The following PLCE1 variants were observed in gnomAD, a reference collection of about 807,000 sequenced individuals.
PLCE1 encodes phospholipase C epsilon 1.
Under a neutral mutation model 242.8 loss-of-function variants are expected in PLCE1, and 119 were observed. That is an observed-to-expected ratio of 0.49 (90% confidence interval 0.42 to 0.57). The LOEUF (loss-of-function observed/expected upper bound fraction) is 0.57, where lower values mean the gene tolerates loss of function less well. PLCE1 is among the 20% of genes least tolerant of loss of function. The pLI is 0.00. For synonymous variants in PLCE1, 945 were observed against 1,017.4 expected, an observed-to-expected ratio of 0.93 and a Z score of 1.35; for missense variants, 2,441 against 2,788.8, an observed-to-expected ratio of 0.88 and a Z score of 2.81.
At chr10:94,084,981 A>G (rs940695965) in intron 2 of PLCE1, among the ~76,000 whole-genome samples, 5 of 152,166 alleles carry the variant, frequency 3.3e-5, no homozygotes, top group African/African-American at 1.2e-4. Context: ...ATAGTAAATA[A>G]ATGCAGAAAT....
At chr10:94,188,652 C>T (rs1000637671) in intron 4 of PLCE1, among the ~76,000 whole-genome samples, 1 of 152,196 alleles carries the variant, frequency 6.6e-6, no homozygotes, top group Non-Finnish European at 1.5e-5. Context: ...GTTGTCCAGG[C>T]TGGAGCGCAA....
At chr10:94,283,669 A>T in intron 20 of PLCE1, 121 bp from the exon 21 acceptor site, 1 of 1,059,960 alleles carries the variant, frequency 9.4e-7, no homozygotes. Context: ...CATACTATAT[A>T]GTTAGAGCCT....
rs1158028629 is a variant in PLCE1, at chr10:94,227,432, G to C, written c.1936G>C (p.Glu646Gln). The part of the protein sequence containing the change: ...WNMGNYNAVM[E>Q]FLAGLRSRKV... ...CATGGGCAACTACAACGCTGTCATG[G>C]AGTTCTTGGCTGGCCTCAGGTATAG... Residue 646 changes from glutamate to glutamine, a missense_variant, in exon 5 of 33, where the codon GAG becomes CAG. Coordinates refer to ENST00000371380, the MANE Select transcript of PLCE1 (RefSeq NM_016341.4). 6.2e-7 allele frequency: 1 copy of C among 1,614,144 alleles called. No homozygotes were observed. The highest frequency in any genetic ancestry group is 8.5e-7 in the Non-Finnish European group (1 of 1,179,986).
chr10:94,215,033 A>T (rs79639935), intron 4 of PLCE1, among the ~76,000 whole-genome samples: 1 of 152,120 alleles, frequency 6.6e-6, no homozygotes. Context: ...CTGCTGCCCA[A>T]TCATCTCAGG....
intron 4 of PLCE1, among the ~76,000 whole-genome samples, chr10:94,190,290 T>TA (rs1218729701): frequency 6.6e-6 from 1 of 152,120 alleles, no homozygotes; most frequent in East Asian, 1.9e-4. Flanking sequence ...AAAATTAAAT[T>TA]AATTAATTAC....
rs759348587 is a variant in PLCE1 at position 94,254,235 on chromosome 10, G to A, written c.3325G>A (p.Ala1109Thr). 1 of 1,614,036 alleles carries A rather than the reference G, an allele frequency of 6.2e-7. No homozygotes were observed. Among genetic ancestry groups the A allele is most frequent in the Non-Finnish European group, 8.5e-7 (1 of 1,179,944 alleles). ...TGACGATGAGATGGCAACCCGAAAG[G>A]CCAAGATGCACAAAGAGTGTCGAAG... ...VTDDEMATRKAKMHKECRSRS... is the reference protein window; with the variant it reads ...VTDDEMATRKTKMHKECRSRS... Residue 1109 changes from alanine to threonine, a missense_variant, in exon 10 of 33, where the codon GCC becomes ACC. Ala to Thr is a moderately conservative substitution (Grantham distance 58). This residue lies in a region of PLCE1 where 1,004 missense variants were observed against 1,322.7 expected (regional missense o/e 0.76). Coordinates refer to ENST00000371380, the MANE Select transcript of PLCE1 (RefSeq NM_016341.4).
At chr10:94,312,435 C>A (rs2053415266) in intron 27 of PLCE1, among the ~76,000 whole-genome samples, 1 of 152,212 alleles carries the variant, frequency 6.6e-6, no homozygotes, top group Non-Finnish European at 1.5e-5. Flanking sequence ...GAATGCCCTG[C>A]TGTAGGCCAT....
intron 1 of PLCE1, among the ~76,000 whole-genome samples, chr10:93,999,071 A>G (rs2060882756): frequency 6.6e-6 from 1 of 152,178 alleles, no homozygotes; most frequent in Non-Finnish European, 1.5e-5. Flanking sequence ...GCACATTGGT[A>G]TTATTTAAAC....
intron 4 of PLCE1, among the ~76,000 whole-genome samples, chr10:94,220,811 A>C (rs534314600): frequency 1.3e-5 from 2 of 152,258 alleles, no homozygotes; most frequent in East Asian, 3.9e-4. Context: ...TTTACTGAAA[A>C]GGGAATTAGG....
intron 2 of PLCE1, among the ~76,000 whole-genome samples, chr10:94,103,266 T>C (rs1164459889): frequency 6.6e-6 from 1 of 152,186 alleles, no homozygotes; most frequent in Non-Finnish European, 1.5e-5. Flanking sequence ...CTGAGGCTTA[T>C]TTTTACAAGA....
Position 94,246,543 on chromosome 10 carries a change from T to G in PLCE1, c.3018T>G (p.Thr1006=), listed in dbSNP as rs1463252653. The G allele has an allele frequency of 6.2e-7, 1 of 1,614,022 alleles. No individual in the cohort carries two copies. Among genetic ancestry groups the G allele is most frequent in the Admixed American group, 1.7e-5 (1 of 60,024 alleles). Residue 1006 remains threonine, a synonymous_variant, in exon 8 of 33, where the codon ACT becomes ACG. Coordinates refer to ENST00000371380, the MANE Select transcript of PLCE1 (RefSeq NM_016341.4). ...KMLFSGLLEL[T]RAVRKMRKFP... is the part of the protein sequence containing the mutation. Reference sequence around the variant, plus strand: ...TCTTCAGCGGATTATTGGAACTCACTAGAGCTGTGAGAAAGATGAGGAAAT... The same window carrying G: ...TCTTCAGCGGATTATTGGAACTCACGAGAGCTGTGAGAAAGATGAGGAAAT...
Position 94,162,780 on chromosome 10 carries a change from C to T in PLCE1, c.1493-8400C>T, listed in dbSNP as rs553520967. On this transcript the variant is annotated intron_variant, in intron 3 of 32. Transcript: ENST00000371380. ...CAATTTTAGATCTTTCCTGCTTTCT[C>T]TTGTGGGCATTTAGTGCTATATATT... Among the ~76,000 whole-genome samples, 14 of 152,270 alleles carry T rather than the reference C, an allele frequency of 9.2e-5. No homozygotes were observed. The East Asian group carries it at 2.7e-3, about 29-fold the overall frequency.
At chr10:94,313,901 T>C (rs1589524735) in intron 28 of PLCE1, among the ~76,000 whole-genome samples, 1 of 152,270 alleles carries the variant, frequency 6.6e-6, no homozygotes. Flanking sequence ...CCTTTGCATG[T>C]TGAGCAGCCC....
intron 3 of PLCE1, among the ~76,000 whole-genome samples, chr10:94,170,197 A>C (rs770676317): frequency 1.3e-5 from 2 of 152,186 alleles, no homozygotes; most frequent in African/African-American, 2.4e-5. Flanking sequence ...TTCCAGGAAG[A>C]GAATGAGTGA....
intron 10 of PLCE1, 133 bp downstream of exon 10, chr10:94,254,440 T>A: frequency 2.7e-6 from 2 of 732,972 alleles, no homozygotes; most frequent in Non-Finnish European, 5.0e-6. Context: ...AACCAGACAA[T>A]GAAACCTAAA....
At chr10:94,283,940 CT>C in intron 21 of PLCE1, 29 bp downstream of exon 21, 2 of 1,604,830 alleles carry the variant, frequency 1.2e-6, no homozygotes, top group Non-Finnish European at 1.7e-6. Context: ...TTAAATGACA[CT>C]TTGACCATGT....
Position 94,059,762 on chromosome 10 carries a change from G to A in PLCE1, c.1206+27510G>A, listed in dbSNP as rs139716667. Among the ~76,000 whole-genome samples the A allele has an allele frequency of 6.5e-3, 992 of 152,246 alleles. 12 individuals carry two copies. The highest frequency in any genetic ancestry group is 0.023 in the African/African-American group (949 of 41,538). ...AACATAACTTCTAACTTGTTTGAGG[G>A]TAAATTTATTAGTGTTTCAAAACAT... On this transcript the variant is annotated intron_variant, in intron 2 of 32. Coordinates refer to ENST00000371380, the MANE Select transcript of PLCE1 (RefSeq NM_016341.4).
intron 2 of PLCE1, among the ~76,000 whole-genome samples, chr10:94,050,604 A>G (rs1327560111): frequency 1.3e-5 from 2 of 152,118 alleles, no homozygotes; most frequent in African/African-American, 4.8e-5. Context: ...AGACTACCCT[A>G]ATCTACCAAG....
intron 14 of PLCE1, among the ~76,000 whole-genome samples, chr10:94,265,054 G>A (rs2051463460): frequency 6.6e-6 from 1 of 152,222 alleles, no homozygotes; most frequent in African/African-American, 2.4e-5. Flanking sequence ...AGCTATCATA[G>A]TAACCAGCAA....
Sources: gnomAD v4.1 joint callset for allele counts (sites outside exome capture counted in the v4.1 genomes callset) on GRCh38, gnomAD v4.1.1 for gene constraint, gnomAD v4.1.1 regional missense constraint, MANE v1.5 for transcripts, NCBI Gene and HGNC (gene_info 2026-07-23, HGNC 2026-07-21) for gene names.